Variants in FAM171A1 observed in about 807,000 individuals in gnomAD.
The protein encoded by FAM171A1 is family with sequence similarity 171 member A1.
In FAM171A1, 23 loss-of-function variants were observed where a neutral mutation model predicts 74.9. The ratio of observed to expected loss-of-function variants is 0.31; its 90% CI spans 0.22 to 0.44. FAM171A1 has a LOEUF of 0.44. Among genes scored for constraint, FAM171A1 ranks in the 20% least tolerant of loss-of-function variants. FAM171A1 has a pLI of 1.00. For missense variants in FAM171A1, 1,162 were observed against 1,159.2 expected (o/e 1.00, Z -0.03); for synonymous variants, 527 against 505.7 (o/e 1.04, Z -0.57).
intron 1 of FAM171A1, among the ~76,000 whole-genome samples, chr10:15,305,159 C>T (rs1353231857): frequency 2.0e-5 from 3 of 152,156 alleles, no homozygotes; most frequent in African/African-American, 4.8e-5. Flanking sequence ...GGTGAAGATA[C>T]GCCATGAACA....
intron 4 of FAM171A1, among the ~76,000 whole-genome samples, chr10:15,252,256 C>G (rs1241050918): frequency 6.6e-6 from 1 of 152,204 alleles, no homozygotes; most frequent in Non-Finnish European, 1.5e-5. Flanking sequence ...CACTTACTTA[C>G]AACTCTGGAT....
chr10:15,303,445 G>A (rs1835257326), intron 1 of FAM171A1, among the ~76,000 whole-genome samples: 1 of 152,076 alleles, frequency 6.6e-6, no homozygotes, highest in Non-Finnish European at 1.5e-5. Flanking sequence ...TTCTAGAATG[G>A]TTCTTAGTTC....
intron 1 of FAM171A1, among the ~76,000 whole-genome samples, chr10:15,284,468 G>T (rs1835011748): frequency 6.6e-6 from 1 of 151,992 alleles, no homozygotes; most frequent in African/African-American, 2.4e-5. Context: ...TGTTGCACAG[G>T]CTGGAGTACA....
rs537465835 is a variant in FAM171A1, at chr10:15,251,678, CT to C, written c.578-2864del. On this transcript the variant is annotated intron_variant, in intron 4 of 7. Transcript: ENST00000378116. The stretch of plus-strand genomic sequence containing the variant: ...CCACCCGCCTCGGCCTCCCAAAGTG[CT>C]GGGATTACAGGTGTGAGCCATCGCG... Among the ~76,000 whole-genome samples the C allele has an allele frequency of 2.7e-3, 411 of 152,242 alleles. 4 individuals are homozygous for C. Among genetic ancestry groups the C allele is most frequent in the African/African-American group, 9.4e-3 (391 of 41,546 alleles).
At chr10:15,363,622 T>G (rs1836022733) in intron 1 of FAM171A1, among the ~76,000 whole-genome samples, 2 of 152,184 alleles carry the variant, frequency 1.3e-5, no homozygotes, top group Non-Finnish European at 2.9e-5. Context: ...GGCAGGAGAC[T>G]GATGGCAGGA....
rs1476364822 is a variant in FAM171A1, at chr10:15,234,629, C to T, written c.755-13569G>A. Among the ~76,000 whole-genome samples, 5 of 151,560 alleles carry T rather than the reference C, an allele frequency of 3.3e-5. No individual in the cohort carries two copies. The East Asian group carries it at 7.8e-4, about 24-fold the overall frequency. On this transcript the variant is annotated intron_variant, in intron 5 of 7. Transcript: ENST00000378116. ...GCCTAGCGACCAGTCTGATTGGCTGCAGGAGGGGACCGATCAGATGTACTT... is the reference window on the plus strand; with the variant it reads ...GCCTAGCGACCAGTCTGATTGGCTGTAGGAGGGGACCGATCAGATGTACTT...
At chr10:15,371,752 A>G (rs1437145119), upstream of FAM171A1, among the ~76,000 whole-genome samples, 1 of 152,210 alleles carries the variant, frequency 6.6e-6, no homozygotes, top group African/African-American at 2.4e-5. Context: ...GAGGAAATCC[A>G]CATCTTTTGA....
intron 1 of FAM171A1, among the ~76,000 whole-genome samples, chr10:15,303,055 G>A (rs1166051654): frequency 6.6e-6 from 1 of 152,076 alleles, no homozygotes; most frequent in East Asian, 1.9e-4. Flanking sequence ...CAGGCTTGGT[G>A]GCGGGTACCT....
chr10:15,319,194 T>C (rs1307096616), intron 1 of FAM171A1, among the ~76,000 whole-genome samples: 3 of 152,210 alleles, frequency 2.0e-5, no homozygotes, highest in African/African-American at 7.2e-5. Flanking sequence ...GTCTTTCAAC[T>C]GACTCATGGG....
chr10:15,278,501 G>A (rs879828049), intron 2 of FAM171A1, among the ~76,000 whole-genome samples: 2 of 152,160 alleles, frequency 1.3e-5, no homozygotes, highest in African/African-American at 2.4e-5. Context: ...GACAACACAC[G>A]TAAATGTCTA....
Position 15,220,984 on chromosome 10 carries a change from C to A in FAM171A1, c.831G>T (p.Gln277His), listed in dbSNP as rs774696663. The A allele has an allele frequency of 6.2e-7, 1 of 1,614,126 alleles. No individual in the cohort carries two copies. The highest frequency in any genetic ancestry group is 1.1e-5 in the South Asian group (1 of 91,062). Residue 277 changes from glutamine (Q) to histidine (H), a missense_variant, in exon 6 of 8, where the codon CAG (glutamine) becomes CAT (histidine). Coordinates refer to ENST00000378116, the MANE Select transcript of FAM171A1 (RefSeq NM_001010924.2). ...SQLTWTYIAPQLGYWVAAMSP... is the reference protein window; with the variant it reads ...SQLTWTYIAPHLGYWVAAMSP... Reference sequence around the variant, plus strand: ...ACATGGCGGCCACCCAGTACCCCAACTGGGGGGCAATGTATGTCCACGTCA... The same window carrying A: ...ACATGGCGGCCACCCAGTACCCCAAATGGGGGGCAATGTATGTCCACGTCA...
intron 5 of FAM171A1, among the ~76,000 whole-genome samples, chr10:15,244,902 T>C (rs1263262725): frequency 6.6e-6 from 1 of 152,166 alleles, no homozygotes; most frequent in Non-Finnish European, 1.5e-5. Flanking sequence ...CTCGTGAAAG[T>C]GACAAGCTGT....
At chr10:15,254,249 G>C (rs1315615905) in intron 4 of FAM171A1, among the ~76,000 whole-genome samples, 3 of 152,050 alleles carry the variant, frequency 2.0e-5, no homozygotes, top group African/African-American at 7.2e-5. Context: ...GTTGGACCAA[G>C]CACCACCTCT....
intron 1 of FAM171A1, among the ~76,000 whole-genome samples, chr10:15,360,178 C>T (rs1313682218): frequency 6.6e-6 from 1 of 152,152 alleles, no homozygotes; most frequent in Non-Finnish European, 1.5e-5. Context: ...AGCAATCTCC[C>T]CACCTTGGCT....
At chr10:15,290,449 C>T (rs1392271580) in intron 1 of FAM171A1, among the ~76,000 whole-genome samples, 1 of 152,166 alleles carries the variant, frequency 6.6e-6, no homozygotes. Flanking sequence ...AGTACTCTGG[C>T]CGGACTCAGC....
At chr10:15,283,448 G>A (rs1053522014) in intron 2 of FAM171A1, among the ~76,000 whole-genome samples, 1 of 152,148 alleles carries the variant, frequency 6.6e-6, no homozygotes. Flanking sequence ...AGATCAAAAA[G>A]CAGTGGCCTC....
intron 1 of FAM171A1, among the ~76,000 whole-genome samples, chr10:15,291,463 C>T (rs939155501): frequency 4.6e-5 from 7 of 152,172 alleles, no homozygotes; most frequent in South Asian, 2.1e-4. Flanking sequence ...GACTGGCTAG[C>T]GGTTCCTGCG....
At chr10:15,219,624 C>T (rs1450520093) in intron 6 of FAM171A1, among the ~76,000 whole-genome samples, 6 of 152,158 alleles carry the variant, frequency 3.9e-5, no homozygotes, top group Admixed American at 3.9e-4. Context: ...CTCTGTCGCC[C>T]AGGCTGGAGT....
At chr10:15,350,621 G>A (rs1341171019) in intron 1 of FAM171A1, among the ~76,000 whole-genome samples, 2 of 148,754 alleles carry the variant, frequency 1.3e-5, no homozygotes, top group Non-Finnish European at 3.0e-5. Flanking sequence ...GATTACAGGC[G>A]TGAGCCACTG....
Sources: gnomAD v4.1 joint callset for allele counts (sites outside exome capture counted in the v4.1 genomes callset) on GRCh38, gnomAD v4.1.1 for gene constraint, MANE v1.5 for transcripts, NCBI Gene and HGNC (gene_info 2026-07-23, HGNC 2026-07-21) for gene names.